Variants in KEL observed in about 807,000 individuals in gnomAD.
KEL encodes the protein Kell metallo-endopeptidase (Kell blood group), also known as kell blood group glycoprotein.
In KEL, 96 loss-of-function variants were observed where a neutral mutation model predicts 99.5. The ratio of observed to expected loss-of-function variants is 0.97; its 90% CI spans 0.82 to 1.14. KEL has a LOEUF of 1.14. KEL is among the 50% of genes most tolerant of loss of function. KEL has a pLI of 0.00. For synonymous variants in KEL, 355 were observed against 354.8 expected (o/e 1.00, Z -0.01); for missense variants, 926 against 924.2 (o/e 1.00, Z -0.03).
chr7:142,943,991 A>G, intron 13 of KEL, 108 bp from the exon 14 acceptor site: 1 of 878,116 alleles, frequency 1.1e-6, no homozygotes, highest in South Asian at 1.4e-5. Flanking sequence ...CCTGACAGGC[A>G]GGCATCCAGG....
At chr7:142,952,680 TG>T in intron 9 of KEL, 42 bp from the exon 10 acceptor site, 1 of 1,611,742 alleles carries the variant, frequency 6.2e-7, no homozygotes. Flanking sequence ...CCCAGGAATC[TG>T]GGGATGCTTC....
In KEL at chr7:142,943,584, G is replaced by A. The variant is rs567252411; in HGVS notation, c.1605C>T (p.Ser535=). 25 of 1,613,294 alleles carry A rather than the reference G, an allele frequency of 1.5e-5. No individual in the cohort carries two copies. In the South Asian group the frequency reaches 2.7e-4, roughly 18 times the overall value. Reference sequence around the variant, plus strand: ...AATAGTAAGCATTGACGTCCCAAGGGGACACCTTCCACCTGTGGGAAGAGG... The same window carrying A: ...AATAGTAAGCATTGACGTCCCAAGGAGACACCTTCCACCTGTGGGAAGAGG... The part of the protein sequence containing the change: ...QPHPQHRWKV[S]PWDVNAYYSV... The change falls in exon 15 of 19, where the codon TCC becomes TCT. Residue 535 remains serine, a synonymous_variant. Coordinates refer to ENST00000355265, the MANE Select transcript of KEL (RefSeq NM_000420.3).
intron 12 of KEL, 48 bp from the exon 13 acceptor site, chr7:142,944,448 G>T: frequency 6.6e-7 from 1 of 1,509,470 alleles, no homozygotes; most frequent in Non-Finnish European, 9.2e-7. Context: ...GAGTCTACCA[G>T]AGGAAATTTC....
chr7:142,954,849 AC>A (rs1796790225), intron 6 of KEL, among the ~76,000 whole-genome samples: 1 of 152,076 alleles, frequency 6.6e-6, no homozygotes, highest in South Asian at 2.1e-4. Context: ...GAGGTGAGGA[AC>A]CTGTCCCAGG....
intron 10 of KEL, among the ~76,000 whole-genome samples, chr7:142,951,777 G>A (rs1267858128): frequency 1.3e-5 from 2 of 152,058 alleles, no homozygotes; most frequent in African/African-American, 2.4e-5. Flanking sequence ...GTTTCTCCAA[G>A]GCAGGGAAAT....
chr7:142,953,816 T>C lies in KEL; in HGVS notation c.1065A>G (p.Leu355=). 6.2e-7 allele frequency: 1 copy of C among 1,614,186 alleles called. No individual in the cohort carries two copies. The highest frequency in any genetic ancestry group is 1.1e-5 in the South Asian group (1 of 91,080). Residue 355 remains leucine (L), a synonymous_variant, in exon 9 of 19, where the codon CTA becomes CTG. Transcript: ENST00000355265. ...TCCCACCTGCGGCGAACCTCTGCTT[T>C]AGCAGCATCTCCTCCACCAGTTGTG... ...NMSQLVEEML[L]KQRDFLQSHM... is the part of the protein sequence containing the mutation.
Position 142,957,874 on chromosome 7 carries a change from C to T in KEL, c.625G>A (p.Ala209Thr), listed in dbSNP as rs1318970355. 9.3e-6 allele frequency: 15 copies of T among 1,614,162 alleles called. No individual in the cohort carries two copies. The highest frequency in any genetic ancestry group is 1.3e-5 in the Non-Finnish European group (15 of 1,180,030). ...SQYGHFPFFR[A>T]YLGPHPASPH... ...GAGGCAGGATGAGGTCCTAGGTAGG[C>T]TCTGAAGAAAGGGAAATGGCCATAC... is the stretch of plus-strand genomic sequence containing the variant. Residue 209 changes from alanine (A) to threonine (T), a missense_variant, in exon 6 of 19, where the codon GCC (alanine) becomes ACC (threonine). By Grantham distance (58) the Ala-to-Thr change is moderately conservative. Transcript: ENST00000355265.
intron 10 of KEL, among the ~76,000 whole-genome samples, chr7:142,950,637 C>G (rs905121967): frequency 3.3e-5 from 5 of 152,248 alleles, no homozygotes; most frequent in African/African-American, 1.2e-4. Context: ...CTGTCTCAAC[C>G]AGGATCCCCT....
chr7:142,945,832 T>C (rs1562958429), intron 11 of KEL, among the ~76,000 whole-genome samples: 1 of 152,174 alleles, frequency 6.6e-6, no homozygotes, highest in African/African-American at 2.4e-5. Flanking sequence ...TTCTCCATGT[T>C]GGTCAGGCTG....
intron 10 of KEL, 166 bp from the exon 11 acceptor site, chr7:142,946,483 C>T: frequency 1.5e-6 from 1 of 655,208 alleles, no homozygotes; most frequent in East Asian, 2.7e-5. Flanking sequence ...CCGATCAGTA[C>T]AAGAAAAGCA....
chr7:142,957,671 T>C (rs998406895), intron 6 of KEL, among the ~76,000 whole-genome samples, 156 bp downstream of exon 6: 43 of 152,316 alleles, frequency 2.8e-4, no homozygotes, highest in African/African-American at 1.0e-3. Context: ...CTAATGTCCC[T>C]GACTTTCACA....
Position 142,955,997 on chromosome 7 carries a change from A to G in KEL, c.673-1470T>C, listed in dbSNP as rs1201740989. On this transcript the variant is annotated intron_variant, in intron 6 of 18. Transcript: ENST00000355265. ...GGCCCACCATACTGGTCTAGCTCCC[A>G]TCTCTCCAATAGTACTCTCTCTTCC... Among the ~76,000 whole-genome samples the G allele has an allele frequency of 2.0e-5, 3 of 151,748 alleles. No homozygotes were observed. The East Asian group carries it at 5.8e-4, about 29-fold the overall frequency.
intron 4 of KEL, among the ~76,000 whole-genome samples, chr7:142,960,496 G>T (rs1043547576): frequency 6.6e-6 from 1 of 152,202 alleles, no homozygotes; most frequent in African/African-American, 2.4e-5. Flanking sequence ...TGAAATGCAG[G>T]AGATGCTGAA....
intron 18 of KEL, 131 bp from the exon 19 acceptor site, chr7:142,941,544 C>A: frequency 1.3e-6 from 1 of 779,362 alleles, no homozygotes; most frequent in Middle Eastern, 3.8e-4. Flanking sequence ...CCACATGGAG[C>A]ATTTGAAATG....
intron 11 of KEL, among the ~76,000 whole-genome samples, chr7:142,945,853 C>T (rs7781817): frequency 0.032 from 4,923 of 152,194 alleles, 123 homozygotes; most frequent in African/African-American, 0.075. Flanking sequence ...GTCTTGAACT[C>T]CTGACCTCAG....
rs887524582 is a variant in KEL, at chr7:142,946,217, G to A, written c.1304C>T (p.Thr435Ile). The A allele has an allele frequency of 3.1e-6, 5 of 1,613,334 alleles. No homozygotes were observed. The highest frequency in any genetic ancestry group is 3.4e-6 in the Non-Finnish European group (4 of 1,179,334). The change falls in exon 11 of 19, where the codon ACC becomes ATC. Residue 435 changes from threonine to isoleucine, a missense_variant. Coordinates refer to ENST00000355265, the MANE Select transcript of KEL (RefSeq NM_000420.3). ...LFVREAFGPS[T>I]RSAAMKLFTA... ...AGAGCTCTCACATACAGCACTTCGGGTGCTCGGGCCAAAGGCCTCACGAAC... is the reference window on the plus strand; with the variant it reads ...AGAGCTCTCACATACAGCACTTCGGATGCTCGGGCCAAAGGCCTCACGAAC...
rs1796439936 is a variant in KEL at position 142,943,873 on chromosome 7, C to A, written c.1502G>T (p.Gly501Val). ...CAGGACAGACTGCAGGAAGCTCGAT[C>A]CAAGCTGTATCTGGGGAAGAGGCAG... ...ARQEYNDIQL[G>V]SSFLQSVLSC... The change falls in exon 14 of 19, where the codon GGA becomes GTA. Residue 501 changes from glycine to valine, a missense_variant. Coordinates refer to ENST00000355265, the MANE Select transcript of KEL (RefSeq NM_000420.3). The A allele has an allele frequency of 6.2e-7, 1 of 1,614,022 alleles. No individual in the cohort carries two copies. Among genetic ancestry groups the A allele is most frequent in the East Asian group, 2.2e-5 (1 of 44,870 alleles).
chr7:142,961,172 C>T, intron 3 of KEL, 68 bp from the exon 4 acceptor site: 2 of 1,569,992 alleles, frequency 1.3e-6, no homozygotes, highest in Admixed American at 3.4e-5. Flanking sequence ...AGGGGCTAGG[C>T]AAAGAACATC....
chr7:142,945,871 G>T (rs577481251), intron 11 of KEL, among the ~76,000 whole-genome samples: 2 of 152,072 alleles, frequency 1.3e-5, no homozygotes, highest in African/African-American at 4.8e-5. Context: ...CAGGTGATCC[G>T]CCCACCTCAG....
Sources: allele counts gnomAD v4.1 joint callset (sites outside exome capture counted in the v4.1 genomes callset), GRCh38; gene constraint gnomAD v4.1.1; transcripts MANE v1.5; gene names NCBI Gene and HGNC (gene_info 2026-07-23, HGNC 2026-07-21).